Variants in CNTNAP2 observed in about 807,000 individuals in gnomAD.
CNTNAP2 encodes the protein contactin associated protein 2.
CNTNAP2 carries 98 observed loss-of-function variants against 155.2 expected under a neutral mutation model. That is an observed-to-expected ratio of 0.63 (90% CI 0.54 to 0.75). The LOEUF is 0.75. Among genes scored for constraint, CNTNAP2 ranks in the 30% least tolerant of loss-of-function variants. The probability of loss-of-function intolerance (pLI) is 0.00; values close to 1 mark genes in which losing one functional copy is unlikely to be tolerated. For missense variants in CNTNAP2, 1,727 were observed against 1,688.1 expected (o/e 1.02, Z -0.40); for synonymous variants, 651 against 631.2 (o/e 1.03, Z -0.47).
chr7:148,402,316 G>A (rs747223215), intron 22 of CNTNAP2, among the ~76,000 whole-genome samples: 18 of 140,072 alleles, frequency 1.3e-4, no homozygotes, highest in Non-Finnish European at 2.1e-4. Flanking sequence ...ATGCTGGCTG[G>A]CTACTTTTTT....
chr7:147,186,146 T>G (rs1033447119), intron 8 of CNTNAP2, among the ~76,000 whole-genome samples: 1 of 152,152 alleles, frequency 6.6e-6, no homozygotes, highest in East Asian at 1.9e-4. Context: ...GAATAGTTAT[T>G]CTGGGTGAAA....
chr7:147,382,767 G>C (rs548576217), intron 9 of CNTNAP2, among the ~76,000 whole-genome samples: 1 of 152,232 alleles, frequency 6.6e-6, no homozygotes, highest in African/African-American at 2.4e-5. Context: ...TTACAGACGA[G>C]GTAAGAGACA....
chr7:147,791,898 C>A (rs116358947), intron 13 of CNTNAP2, among the ~76,000 whole-genome samples: 1,788 of 152,326 alleles, frequency 0.012, 35 homozygotes, highest in African/African-American at 0.039. Flanking sequence ...CTCATCAAGT[C>A]TCCTCTTCCC....
In CNTNAP2 at chr7:146,795,027, C is replaced by T. The variant is rs779240348; in HGVS notation, c.208+20646C>T. Among the ~76,000 whole-genome samples, 187 of 152,144 alleles carry T rather than the reference C, an allele frequency of 1.2e-3. 2 individuals carry two copies. The Middle Eastern group carries it at 0.014, about 11-fold the overall frequency. On this transcript the variant is annotated intron_variant, in intron 2 of 23. Transcript: ENST00000361727. ...CAGAGAAAGTAGAAAGCAGGGGCAC[C>T]CATTGCCTTTGAAGAGTTTTCAGTG...
intron 21 of CNTNAP2, among the ~76,000 whole-genome samples, chr7:148,316,380 A>C (rs1441425678): frequency 6.6e-6 from 1 of 152,032 alleles, no homozygotes; most frequent in Non-Finnish European, 1.5e-5. Flanking sequence ...GCTGGCTGCC[A>C]AGACTGCAGG....
chr7:146,314,013 G>GTA (rs111389261), intron 1 of CNTNAP2, among the ~76,000 whole-genome samples: 12,781 of 151,628 alleles, frequency 0.084, 1,495 homozygotes, highest in African/African-American at 0.27. Flanking sequence ...AATTATATAT[G>GTA]TATATATATA....
chr7:146,658,690 T>C (rs561862221), intron 1 of CNTNAP2, among the ~76,000 whole-genome samples: 145 of 152,318 alleles, frequency 9.5e-4, no homozygotes, highest in Non-Finnish European at 1.9e-3. Flanking sequence ...TCATACCTAA[T>C]ATTTATGAGT....
intron 13 of CNTNAP2, among the ~76,000 whole-genome samples, chr7:147,709,932 T>C (rs576784480): frequency 6.6e-6 from 1 of 152,284 alleles, no homozygotes; most frequent in East Asian, 1.9e-4. Context: ...CTAAATTATG[T>C]TTATGTGTCT....
chr7:147,819,749 A>AT (rs1390805351), intron 13 of CNTNAP2, among the ~76,000 whole-genome samples: 1 of 151,852 alleles, frequency 6.6e-6, no homozygotes, highest in African/African-American at 2.4e-5. Context: ...CCATCAACAG[A>AT]TTCATTTCAC....
chr7:147,328,942 G>T lies in CNTNAP2; in HGVS notation c.1498+28652G>T, dbSNP rs537311564. On this transcript the variant is annotated intron_variant, in intron 9 of 23. Transcript: ENST00000361727. ...GTTAAGTTAACTAGCTTTTCCTTCAGTATGCATTTGTAACCTCAAATTAAA... is the reference window on the plus strand; with the variant it reads ...GTTAAGTTAACTAGCTTTTCCTTCATTATGCATTTGTAACCTCAAATTAAA... Among the ~76,000 whole-genome samples, 4 of 152,272 alleles carry T rather than the reference G, an allele frequency of 2.6e-5. No individual in the cohort carries two copies. In the South Asian group the frequency reaches 8.3e-4, roughly 32 times the overall value.
At chr7:147,133,722 G>T (rs1288055795) in intron 8 of CNTNAP2, among the ~76,000 whole-genome samples, 1 of 151,998 alleles carries the variant, frequency 6.6e-6, no homozygotes, top group Admixed American at 6.6e-5. Context: ...CTTTATGTTT[G>T]TGTGTGGCCT....
intron 1 of CNTNAP2, among the ~76,000 whole-genome samples, chr7:146,744,215 G>A (rs1801769778): frequency 9.7e-6 from 1 of 103,274 alleles, no homozygotes; most frequent in African/African-American, 4.0e-5. Flanking sequence ...GTGACAAAGT[G>A]ACACTCTGTC....
At chr7:147,780,062 C>A (rs1011841022) in intron 13 of CNTNAP2, among the ~76,000 whole-genome samples, 4 of 152,176 alleles carry the variant, frequency 2.6e-5, no homozygotes, top group Non-Finnish European at 4.4e-5. Flanking sequence ...TTCAAGGGAT[C>A]TTTTGGCATG....
intron 22 of CNTNAP2, among the ~76,000 whole-genome samples, chr7:148,393,566 C>G (rs1347107748): frequency 2.6e-5 from 4 of 151,504 alleles, no homozygotes; most frequent in Non-Finnish European, 5.9e-5. Context: ...AAATCAGTTT[C>G]TACAGTGTTT....
chr7:146,152,444 G>A (rs1041762817), intron 1 of CNTNAP2, among the ~76,000 whole-genome samples: 3 of 152,004 alleles, frequency 2.0e-5, no homozygotes, highest in African/African-American at 7.2e-5. Context: ...AGCCCAAGGG[G>A]TCTATTGTAC....
chr7:147,198,221 T>C (rs893610450), intron 8 of CNTNAP2, among the ~76,000 whole-genome samples: 2 of 148,976 alleles, frequency 1.3e-5, no homozygotes, highest in African/African-American at 2.4e-5. Flanking sequence ...GCATAGTTGG[T>C]TTCCAATATC....
intron 8 of CNTNAP2, among the ~76,000 whole-genome samples, chr7:147,212,771 T>C (rs1305422268): frequency 2.6e-5 from 4 of 152,176 alleles, no homozygotes; most frequent in South Asian, 2.1e-4. Flanking sequence ...AATTGTATTC[T>C]TGCATTAAAA....
intron 2 of CNTNAP2, among the ~76,000 whole-genome samples, chr7:146,828,860 G>C (rs1803457316): frequency 6.6e-6 from 1 of 151,974 alleles, no homozygotes; most frequent in Non-Finnish European, 1.5e-5. Context: ...TAAAATAAGG[G>C]TATGTTTGTT....
chr7:147,205,107 C>A (rs542464234), intron 8 of CNTNAP2, among the ~76,000 whole-genome samples: 1 of 152,058 alleles, frequency 6.6e-6, no homozygotes, highest in South Asian at 2.1e-4. Context: ...TATTTCAGGA[C>A]CTTTTGTGGT....
Sources: allele counts gnomAD v4.1 joint callset (sites outside exome capture counted in the v4.1 genomes callset), GRCh38; gene constraint gnomAD v4.1.1; transcripts MANE v1.5; gene names NCBI Gene and HGNC (gene_info 2026-07-23, HGNC 2026-07-21).